PRPF8: variants seen among roughly 807,000 people sequenced by gnomAD.
PRPF8 encodes the protein pre-mRNA-processing-splicing factor 8.
A neutral mutation model predicts 285.9 loss-of-function variants in PRPF8; 64 were observed. The observed-to-expected ratio is 0.22, with a 90% CI of 0.18 to 0.28. PRPF8 has a LOEUF of 0.28. PRPF8 is among the 10% of genes least tolerant of loss of function. The probability of loss-of-function intolerance (pLI) is 1.00; values close to 1 mark genes in which losing one functional copy is unlikely to be tolerated. For missense variants in PRPF8, 1,426 were observed against 3,026.7 expected, an observed-to-expected ratio of 0.47 and a Z score of 12.41; for synonymous variants, 1,325 against 1,118.2, an observed-to-expected ratio of 1.18 and a Z score of -3.69.
At chr17:1,670,945 A>AG (rs1567685392) in intron 24 of PRPF8, among the ~76,000 whole-genome samples, 1 of 151,170 alleles carries the variant, frequency 6.6e-6, no homozygotes. Flanking sequence ...CAAAAAAAAA[A>AG]AAGAAGAAAA....
rs1911179267 is a variant in PRPF8, at chr17:1,653,210, G to A, written c.6369+332C>T. 56 of 453,996 alleles carry A rather than the reference G, an allele frequency of 1.2e-4. 1 individual carries two copies. The highest frequency in any genetic ancestry group is 1.1e-3 in the South Asian group (54 of 47,790). The allele number at this position is 453,996 out of a possible 1,614,324, so 28.1% of individuals were successfully genotyped here. On this transcript the variant is annotated intron_variant, in intron 39 of 42. Transcript: ENST00000304992. The surrounding 1 kb of genome is among the most constrained non-coding windows in gnomAD (Gnocchi z 4.9). ...CCACCTAGGCCTCCCAAAGTGCTGG[G>A]ATTATAGGCATTAGCCACTGTGCCC...
intron 30 of PRPF8, 118 bp downstream of exon 30, chr17:1,660,314 T>A (rs1911612812): frequency 1.3e-6 from 2 of 1,542,796 alleles, no homozygotes; most frequent in South Asian, 2.4e-5. Context: ...CTGAGCTGAC[T>A]CTGTACAGTA....
rs1911558265 is a variant in PRPF8, at chr17:1,659,218, G to C, written c.5138+139C>G. ...TTTTTTGTATTTTGGTAGAGACAGG[G>C]TTTCACCATGTTGCCCAGACTGGTC... On this transcript the variant is annotated intron_variant, in intron 32 of 42. Transcript: ENST00000304992. The surrounding 1 kb of genome is among the most constrained non-coding windows in gnomAD (Gnocchi z 5.1). 1 of 964,322 alleles carries C rather than the reference G, an allele frequency of 1.0e-6. No individual in the cohort carries two copies. The highest frequency in any genetic ancestry group is 1.6e-6 in the Non-Finnish European group (1 of 616,370). The allele number at this position is 964,322 out of a possible 1,614,324, so 59.7% of individuals were successfully genotyped here. A position where few individuals can be genotyped will look rare whatever the true frequency, so the allele number is the denominator to read the frequency against.
Position 1,680,671 on chromosome 17 carries a change from A to G in PRPF8, c.1098+55T>C, listed in dbSNP as rs1395479863. ...CCTGAGCGTTTAGTAACATCAGCCA[A>G]CCTCACGCATTTCTCCTAGAAGAGC... On this transcript the variant is annotated intron_variant, in intron 8 of 42. Transcript: ENST00000304992. 2.0e-6 allele frequency: 3 copies of G among 1,509,086 alleles called. No homozygotes were observed. The African/African-American group carries it at 4.1e-5, about 21-fold the overall frequency. The allele number at this position is 1,509,086 out of a possible 1,614,324, so 93.5% of individuals were successfully genotyped here.
rs766521135 is a variant in PRPF8 at position 1,659,459 on chromosome 17, T to C, written c.5036A>G (p.Tyr1679Cys). The part of the protein sequence containing the change: ...GDYDSHDIER[Y>C]ARAKFLDYTT... The stretch of plus-strand genomic sequence containing the variant: ...GTAGTCCAGGAACTTGGCCCGGGCG[T>C]AGCGCTCAATGTCGTGGGAATCATA... Residue 1679 changes from tyrosine to cysteine, a missense_variant, in exon 32 of 43, where the codon TAC becomes TGC. Tyr to Cys is a radical substitution (Grantham distance 194). Around this residue, in one of 34 missense-constraint regions of PRPF8, gnomAD observed 74 missense variants for 161.8 expected, o/e 0.46. Coordinates refer to ENST00000304992, the MANE Select transcript of PRPF8 (RefSeq NM_006445.4). The surrounding 1 kb of genome is among the most constrained non-coding windows in gnomAD (Gnocchi z 5.1). 6.2e-7 allele frequency: 1 copy of C among 1,613,918 alleles called. No homozygotes were observed. The highest frequency in any genetic ancestry group is 8.5e-7 in the Non-Finnish European group (1 of 1,180,006).
At chr17:1,682,378 T>C in intron 3 of PRPF8, 85 bp from the exon 4 acceptor site, 2 of 1,516,708 alleles carry the variant, frequency 1.3e-6, no homozygotes, top group Non-Finnish European at 1.8e-6. Context: ...CATGTTCATG[T>C]TCCACAGTCC....
Position 1,658,787 on chromosome 17 carries a change from A to G in PRPF8, c.5139-24T>C, listed in dbSNP as rs371224736. 2.7e-5 allele frequency: 44 copies of G among 1,605,388 alleles called. No homozygotes were observed. The highest frequency in any genetic ancestry group is 3.8e-5 in the Non-Finnish European group (44 of 1,172,132). The stretch of plus-strand genomic sequence containing the variant: ...CACTGTGAGGATAAAAGGGTCAAGA[A>G]AAGTTAAGACGAGAATGACAGCCCC... On this transcript the variant is annotated intron_variant, in intron 32 of 42. Transcript: ENST00000304992. The surrounding 1 kb of genome is among the most constrained non-coding windows in gnomAD (Gnocchi z 4.1).
At chr17:1,650,995 C>CT (rs978620296) in intron 42 of PRPF8, 39 bp from the exon 43 acceptor site, 1 of 1,614,176 alleles carries the variant, frequency 6.2e-7, no homozygotes, top group African/African-American at 1.3e-5. Context: ...AACAGGGCTC[C>CT]TGCCTCATGC....
In PRPF8 at chr17:1,661,820, A is replaced by T; in HGVS notation, c.4023-30T>A. 6.2e-7 allele frequency: 1 copy of T among 1,614,190 alleles called. No individual in the cohort carries two copies. Among genetic ancestry groups the T allele is most frequent in the Non-Finnish European group, 8.5e-7 (1 of 1,180,052 alleles). On this transcript the variant is annotated intron_variant, in intron 25 of 42. Coordinates refer to ENST00000304992, the MANE Select transcript of PRPF8 (RefSeq NM_006445.4). The surrounding 1 kb of genome is among the most constrained non-coding windows in gnomAD (Gnocchi z 7.3). ...TTGGGTGTACAACCAAGATTACAGA[A>T]AAAATAAAGCCTAAAACTAAAGAAA...
intron 24 of PRPF8, among the ~76,000 whole-genome samples, chr17:1,662,855 A>AG (rs1039947817): frequency 3.4e-5 from 5 of 148,208 alleles, no homozygotes; most frequent in African/African-American, 1.0e-4. Context: ...GAAAAGAAAA[A>AG]GAAAAAAAAA....
chr17:1,668,356 T>TTTTTG (rs1912111110), intron 24 of PRPF8, among the ~76,000 whole-genome samples: 1 of 113,092 alleles, frequency 8.8e-6, no homozygotes, highest in African/African-American at 4.1e-5. Context: ...CTAGCATTCT[T>TTTTTG]TTTTTTTTTT....
In PRPF8 at chr17:1,679,617, G is replaced by C; in HGVS notation, c.1281C>G (p.Val427=). ...RTRRALDIPL[V]KNWYREHCPA... is the part of the protein sequence containing the mutation. ...ACAGGGAAAAACCTTACCAGTTCTT[G>C]ACAAGGGGTATGTCCAGGGCCCGAC... Residue 427 remains valine (V), a synonymous_variant, in exon 9 of 43, where the codon GTC becomes GTG. Coordinates refer to ENST00000304992, the MANE Select transcript of PRPF8 (RefSeq NM_006445.4). The surrounding 1 kb of genome is among the most constrained non-coding windows in gnomAD (Gnocchi z 4.7). The C allele has an allele frequency of 1.9e-6, 3 of 1,613,452 alleles. No individual in the cohort carries two copies. Among genetic ancestry groups the C allele is most frequent in the South Asian group, 1.1e-5 (1 of 91,038 alleles).
Position 1,659,269 on chromosome 17 carries a change from G to T in PRPF8, c.5138+88C>A. The T allele has an allele frequency of 1.4e-6, 2 of 1,438,446 alleles. No homozygotes were observed. The highest frequency in any genetic ancestry group is 2.0e-6 in the Non-Finnish European group (2 of 1,025,136). The allele number at this position is 1,438,446 out of a possible 1,614,324, so 89.1% of individuals were successfully genotyped here. A position where few individuals can be genotyped will look rare whatever the true frequency, so the allele number is the denominator to read the frequency against. On this transcript the variant is annotated intron_variant, in intron 32 of 42. Transcript: ENST00000304992. The surrounding 1 kb of genome is among the most constrained non-coding windows in gnomAD (Gnocchi z 5.1). ...TCAAACTCCTGAGCTCAGACAATCT[G>T]CCCACCGCGGCCTCCCAAAGTGCTG...
At chr17:1,669,471 ACT>A (rs1314654605) in intron 24 of PRPF8, among the ~76,000 whole-genome samples, 1 of 152,050 alleles carries the variant, frequency 6.6e-6, no homozygotes, top group African/African-American at 2.4e-5. Flanking sequence ...CGCTCAAGTC[ACT>A]GTCATTCAAA....
In PRPF8 at chr17:1,650,889, C is replaced by T; in HGVS notation, c.6921G>A (p.Glu2307=). ...TGAGGAAGTGAGAGGGCCTGTGCAC[C>T]TCGTGGTAGAACTCTTTGGGGTTCG... ...QLANPKEFYH[E]VHRPSHFLNF... is the part of the protein sequence containing the mutation. Residue 2307 remains glutamate (E), a synonymous_variant, in exon 43 of 43, where the codon GAG becomes GAA. Transcript: ENST00000304992. The T allele has an allele frequency of 6.2e-7, 1 of 1,614,182 alleles. No homozygotes were observed. Among genetic ancestry groups the T allele is most frequent in the Non-Finnish European group, 8.5e-7 (1 of 1,180,030 alleles).
In PRPF8 at chr17:1,679,576, T is replaced by A; in HGVS notation, c.1289+33A>T. On this transcript the variant is annotated intron_variant, in intron 9 of 42. Transcript: ENST00000304992. The surrounding 1 kb of genome is among the most constrained non-coding windows in gnomAD (Gnocchi z 4.7). ...GGAGTCTTTTCTCCTACACATCCAC[T>A]ATCATTCCCCCTGCCACAGGGAAAA... 6.2e-7 allele frequency: 1 copy of A among 1,611,348 alleles called. No homozygotes were observed. The highest frequency in any genetic ancestry group is 1.1e-5 in the South Asian group (1 of 90,902).
In PRPF8 at chr17:1,659,373, C is replaced by A. The variant is rs1206397949; in HGVS notation, c.5122G>T (p.Ala1708Ser). The A allele has an allele frequency of 6.2e-7, 1 of 1,613,852 alleles. No individual in the cohort carries two copies. The highest frequency in any genetic ancestry group is 8.5e-7 in the Non-Finnish European group (1 of 1,180,026). The change falls in exon 32 of 43, where the codon GCC becomes TCC. Residue 1708 changes from alanine (A) to serine (S), a missense_variant. This residue lies in a region of PRPF8 where 74 missense variants were observed against 161.8 expected (regional missense o/e 0.46). Coordinates refer to ENST00000304992, the MANE Select transcript of PRPF8 (RefSeq NM_006445.4). The surrounding 1 kb of genome is among the most constrained non-coding windows in gnomAD (Gnocchi z 5.1). The stretch of plus-strand genomic sequence containing the variant: ...TCAACTCACCTGTGCAAGTTATAGG[C>A]CAGGTCAATGGCGATGAGTACACCT... ...PTGVLIAIDL[A>S]YNLHSAYGNW...
In PRPF8 at chr17:1,675,263, C is replaced by T. The variant is rs747473598; in HGVS notation, c.2949G>A (p.Lys983=). The T allele has an allele frequency of 1.2e-6, 2 of 1,614,198 alleles. No individual in the cohort carries two copies. The highest frequency in any genetic ancestry group is 1.7e-6 in the Non-Finnish European group (2 of 1,180,040). ...GAGTCAAGTCGATCTTCTCATACAT[C>T]TTCTCAAAGCGGGATTCCAGCATGA... The part of the protein sequence containing the change: ...CNVMLESRFE[K]MYEKIDLTLL... The change falls in exon 20 of 43, where the codon AAG becomes AAA. Residue 983 remains lysine, a synonymous_variant. Transcript: ENST00000304992. The surrounding 1 kb of genome is among the most constrained non-coding windows in gnomAD (Gnocchi z 6.0).
Position 1,659,179 on chromosome 17 carries a change from C to T in PRPF8, c.5138+178G>A. ...TAGCTGGGACTACAGGCGTGGACCA[C>T]CACGCCCAGCTAATTTTTTGTATTT... is the stretch of plus-strand genomic sequence containing the variant. On this transcript the variant is annotated intron_variant, in intron 32 of 42. Transcript: ENST00000304992. This position sits in a 1 kb window ranked among gnomAD's most constrained non-coding sequence, Gnocchi z 5.1. The T allele has an allele frequency of 1.3e-6, 1 of 741,888 alleles. No homozygotes were observed. Among genetic ancestry groups the T allele is most frequent in the Non-Finnish European group, 2.3e-6 (1 of 431,098 alleles). 46.0% of individuals were successfully genotyped at this position (741,888 alleles called of 1,614,324 possible).
Sources: gnomAD v4.1 joint callset for allele counts (sites outside exome capture counted in the v4.1 genomes callset) on GRCh38, gnomAD v4.1.1 for gene constraint, gnomAD v4.1.1 regional missense constraint, Gnocchi (gnomAD v3.1) non-coding constraint, MANE v1.5 for transcripts, NCBI Gene and HGNC (gene_info 2026-07-23, HGNC 2026-07-21) for gene names.